The following NSMCE2 variants were observed in gnomAD, a reference collection of about 807,000 sequenced individuals.
NSMCE2 encodes the protein NSE2 SUMO ligase component of SMC5/6 complex.
A neutral mutation model predicts 23.8 loss-of-function variants in NSMCE2; 24 were observed. The observed-to-expected ratio is 1.01, with a 90% CI of 0.73 to 1.42. The LOEUF (loss-of-function observed/expected upper bound fraction) is 1.42. Among genes scored for constraint, NSMCE2 ranks in the 40% most tolerant of loss-of-function variants. The pLI is 0.00. For missense variants in NSMCE2, 284 were observed against 296.5 expected, an observed-to-expected ratio of 0.96 and a Z score of 0.31; for synonymous variants, 92 against 94.1, an observed-to-expected ratio of 0.98 and a Z score of 0.13.
chr8:125,115,363 A>G (rs769966105), intron 3 of NSMCE2, among the ~76,000 whole-genome samples: 7 of 152,224 alleles, frequency 4.6e-5, no homozygotes, highest in Non-Finnish European at 8.8e-5. Flanking sequence ...CAAAGCCTAT[A>G]TATTGGAGGA....
intron 5 of NSMCE2, among the ~76,000 whole-genome samples, chr8:125,335,043 G>A (rs951093010): frequency 3.3e-5 from 5 of 151,920 alleles, no homozygotes; most frequent in Non-Finnish European, 5.9e-5. Flanking sequence ...GGCGTGAGCC[G>A]CAGTACCTGA....
chr8:125,142,627 G>T (rs757068236), intron 3 of NSMCE2, among the ~76,000 whole-genome samples: 5 of 150,510 alleles, frequency 3.3e-5, no homozygotes, highest in Non-Finnish European at 5.9e-5. Flanking sequence ...TTTTTGAGAT[G>T]GAGTTTTGCC....
At chr8:125,111,748 C>T (rs1052106480) in intron 3 of NSMCE2, among the ~76,000 whole-genome samples, 8 of 151,972 alleles carry the variant, frequency 5.3e-5, no homozygotes, top group Non-Finnish European at 7.4e-5. Context: ...TGCAGCGAGC[C>T]GAGATCACGC....
chr8:125,334,963 C>T (rs1830023844), intron 5 of NSMCE2, among the ~76,000 whole-genome samples: 1 of 151,490 alleles, frequency 6.6e-6, no homozygotes, highest in Non-Finnish European at 1.5e-5. Flanking sequence ...ACTATGTTGC[C>T]CACGCTCATC....
At chr8:125,326,966 AAG>A (rs1436859170) in intron 5 of NSMCE2, among the ~76,000 whole-genome samples, 35 of 146,948 alleles carry the variant, frequency 2.4e-4, no homozygotes, top group Middle Eastern at 3.4e-3. Flanking sequence ...CAAAAAAAAA[AAG>A]AGAGAGAGAG....
chr8:125,124,654 A>T (rs1208928799), intron 3 of NSMCE2, among the ~76,000 whole-genome samples: 1 of 151,788 alleles, frequency 6.6e-6, no homozygotes, highest in Admixed American at 6.6e-5. Flanking sequence ...TAATTTTTGT[A>T]TTTTGTAGAG....
chr8:125,116,380 A>G (rs555915869), intron 3 of NSMCE2, among the ~76,000 whole-genome samples: 2 of 152,344 alleles, frequency 1.3e-5, no homozygotes, highest in South Asian at 4.1e-4. Flanking sequence ...TAAAAATGAG[A>G]TCAAAGATTT....
chr8:125,306,290 A>G (rs750376730), intron 5 of NSMCE2, among the ~76,000 whole-genome samples: 12 of 151,984 alleles, frequency 7.9e-5, no homozygotes, highest in Non-Finnish European at 1.8e-4. Context: ...TGATTGCCCC[A>G]CTGCACTCTA....
chr8:125,182,456 A>G, intron 5 of NSMCE2, 200 bp downstream of exon 5: 1 of 579,794 alleles, frequency 1.7e-6, no homozygotes, highest in Non-Finnish European at 3.1e-6. Context: ...CTGAAAGCCA[A>G]CAGTTTCCAC....
At chr8:125,330,177 C>T (rs1040695639) in intron 5 of NSMCE2, among the ~76,000 whole-genome samples, 7 of 119,144 alleles carry the variant, frequency 5.9e-5, no homozygotes, top group East Asian at 4.3e-4. Context: ...TTTCTTTTTT[C>T]TTTCTTTTTT....
At chr8:125,271,424 A>T (rs200597099) in intron 5 of NSMCE2, among the ~76,000 whole-genome samples, 1 of 152,216 alleles carries the variant, frequency 6.6e-6, no homozygotes, top group East Asian at 1.9e-4. Context: ...AATGGAAGAG[A>T]TAGGTGGAAA....
At chr8:125,276,037 A>G (rs1273359873) in intron 5 of NSMCE2, among the ~76,000 whole-genome samples, 1 of 152,150 alleles carries the variant, frequency 6.6e-6, no homozygotes, top group Non-Finnish European at 1.5e-5. Context: ...TGCCCCCCGC[A>G]CTGGGTCTTC....
chr8:125,361,767 C>T (rs186874269), intron 7 of NSMCE2, among the ~76,000 whole-genome samples: 6 of 152,282 alleles, frequency 3.9e-5, no homozygotes, highest in South Asian at 2.1e-4. Flanking sequence ...TATCACTCCC[C>T]GTGCTGCTTA....
intron 5 of NSMCE2, among the ~76,000 whole-genome samples, chr8:125,287,558 C>T (rs1827949265): frequency 1.3e-5 from 2 of 152,120 alleles, no homozygotes; most frequent in Admixed American, 1.3e-4. Context: ...CAGGACCTTG[C>T]CCTTTAGTTA....
chr8:125,277,264 C>T (rs1827485921), intron 5 of NSMCE2, among the ~76,000 whole-genome samples: 1 of 152,146 alleles, frequency 6.6e-6, no homozygotes, highest in Non-Finnish European at 1.5e-5. Flanking sequence ...CCCCTGTGCT[C>T]ACCCTGCATC....
intron 5 of NSMCE2, among the ~76,000 whole-genome samples, chr8:125,199,319 T>A (rs1044909751): frequency 1.3e-5 from 2 of 152,232 alleles, no homozygotes; most frequent in African/African-American, 4.8e-5. Context: ...GGGCATCTAG[T>A]GCTATAAATT....
At chr8:125,313,102 GAA>G (rs769663005) in intron 5 of NSMCE2, among the ~76,000 whole-genome samples, 2 of 107,142 alleles carry the variant, frequency 1.9e-5, no homozygotes, top group Non-Finnish European at 1.9e-5. Flanking sequence ...ACTTAAAGTG[GAA>G]AAAAAAAAAA....
intron 5 of NSMCE2, among the ~76,000 whole-genome samples, chr8:125,283,400 A>G (rs10103776): frequency 1 from 152,238 of 152,286 alleles, 76,095 homozygotes; most frequent in Middle Eastern, 1. Flanking sequence ...TTAGCTGCTC[A>G]TGGTGACCTG....
intron 5 of NSMCE2, among the ~76,000 whole-genome samples, chr8:125,217,347 ATTTATTTATTTATTT>A (rs1411317468): frequency 6.7e-6 from 1 of 149,886 alleles, no homozygotes; most frequent in South Asian, 2.2e-4. Context: ...TTATTTATTT[ATTTATTTATTTATTT>A]TTTATTTATT....
Sources: gnomAD v4.1 joint callset for allele counts (sites outside exome capture counted in the v4.1 genomes callset) on GRCh38, gnomAD v4.1.1 for gene constraint, MANE v1.5 for transcripts, NCBI Gene and HGNC (gene_info 2026-07-23, HGNC 2026-07-21) for gene names.